Variants in DNAH11 observed in about 807,000 individuals in gnomAD.
DNAH11 encodes axonemal beta dynein heavy chain 11.
DNAH11 carries 442 observed loss-of-function variants against 526.0 expected under a neutral mutation model. That is an observed-to-expected ratio of 0.84 (90% CI 0.78 to 0.91). The LOEUF (loss-of-function observed/expected upper bound fraction) is 0.91, where lower values mean the gene tolerates loss of function less well. Ranked by LOEUF, DNAH11 falls within the 40% of genes least tolerant of loss-of-function variation. The pLI is 0.00. For synonymous variants in DNAH11, 2,461 were observed against 1,935.9 expected, an observed-to-expected ratio of 1.27 and a Z score of -7.12; for missense variants, 6,989 against 5,448.7, an observed-to-expected ratio of 1.28 and a Z score of -8.90.
chr7:21,809,934 A>T (rs994250523), intron 63 of DNAH11, among the ~76,000 whole-genome samples: 1 of 152,176 alleles, frequency 6.6e-6, no homozygotes, highest in East Asian at 1.9e-4. Flanking sequence ...TTTCAACAAG[A>T]ACATAAAAAT....
In DNAH11 at chr7:21,862,173, A is replaced by G. The variant is rs1289716472; in HGVS notation, c.11373+150A>G. 5 of 829,658 alleles carry G rather than the reference A, an allele frequency of 6.0e-6. No homozygotes were observed. In the African/African-American group the frequency reaches 7.1e-5, roughly 12 times the overall value. 51.4% of individuals were successfully genotyped at this position (829,658 alleles called of 1,614,324 possible). On this transcript the variant is annotated intron_variant, in intron 69 of 81. Coordinates refer to ENST00000409508, the MANE Select transcript of DNAH11 (RefSeq NM_001277115.2). ...GTGGCATGAGGGGAATTTGCTTCCCACAGGGAACTTGGGCATGTGACAGCC... is the reference window on the plus strand; with the variant it reads ...GTGGCATGAGGGGAATTTGCTTCCCGCAGGGAACTTGGGCATGTGACAGCC...
At chr7:21,558,695 G>C in intron 2 of DNAH11, 107 bp from the exon 3 acceptor site, 1 of 655,610 alleles carries the variant, frequency 1.5e-6, no homozygotes, top group Non-Finnish European at 2.3e-6. Context: ...GATATCATTG[G>C]ATATTTATGA....
intron 57 of DNAH11, among the ~76,000 whole-genome samples, chr7:21,782,474 A>G (rs937401130): frequency 1.3e-5 from 2 of 152,208 alleles, no homozygotes; most frequent in Non-Finnish European, 2.9e-5. Context: ...AAATCAGTTG[A>G]CCAACCTGAG....
chr7:21,598,525 C>G (rs1174527290), intron 14 of DNAH11, among the ~76,000 whole-genome samples: 3 of 152,078 alleles, frequency 2.0e-5, no homozygotes, highest in African/African-American at 7.2e-5. Context: ...TAGAACTTCC[C>G]TAGTCCAGTG....
chr7:21,821,847 T>C (rs190667245), intron 65 of DNAH11, among the ~76,000 whole-genome samples: 1 of 152,120 alleles, frequency 6.6e-6, no homozygotes, highest in African/African-American at 2.4e-5. Flanking sequence ...CTTTTCCTTA[T>C]CTTCCACCTC....
intron 65 of DNAH11, among the ~76,000 whole-genome samples, chr7:21,835,340 T>A (rs1781952526): frequency 6.6e-6 from 1 of 150,588 alleles, no homozygotes; most frequent in South Asian, 2.1e-4. Flanking sequence ...ATATGCCTGA[T>A]AAACATAGCT....
At chr7:21,589,162 C>T in intron 11 of DNAH11, 46 bp from the exon 12 acceptor site, 1 of 1,391,644 alleles carries the variant, frequency 7.2e-7, no homozygotes, top group Non-Finnish European at 9.7e-7. Flanking sequence ...AAGCGGAAAT[C>T]TATCTAATAT....
rs781116833 is a variant in DNAH11 at position 21,773,839 on chromosome 7, A to C, written c.9176A>C (p.Tyr3059Ser). The C allele has an allele frequency of 4.2e-5, 68 of 1,609,024 alleles. No homozygotes were observed. Among genetic ancestry groups the C allele is most frequent in the Non-Finnish European group, 5.8e-5 (68 of 1,177,788 alleles). The part of the protein sequence containing the change: ...HTTVNEMSTR[Y>S]YQNERRHNYT... The stretch of plus-strand genomic sequence containing the variant: ...ACTGTAAATGAAATGAGTACCAGAT[A>C]TTACCAGAATGAGAGAAGACACAAC... The change falls in exon 56 of 82, where the codon TAT becomes TCT. Residue 3059 changes from tyrosine (Y) to serine (S), a missense_variant. Transcript: ENST00000409508.
At chr7:21,748,797 G>A (rs1364151208) in intron 52 of DNAH11, 55 bp downstream of exon 52, 7 of 1,550,806 alleles carry the variant, frequency 4.5e-6, no homozygotes, top group East Asian at 4.7e-5. Flanking sequence ...AGATAAAGCC[G>A]AGGCTCCTAG....
chr7:21,869,019 T>C (rs777113535), intron 73 of DNAH11, 28 bp downstream of exon 73: 2 of 1,613,110 alleles, frequency 1.2e-6, no homozygotes, highest in African/African-American at 1.3e-5. Context: ...GGGAAGACAC[T>C]GGGCATAAAC....
intron 2 of DNAH11, among the ~76,000 whole-genome samples, chr7:21,556,151 C>T (rs1038713879): frequency 4.6e-5 from 7 of 152,152 alleles, no homozygotes; most frequent in African/African-American, 1.4e-4. Flanking sequence ...ATACCCTGGT[C>T]CCTTTCTCTG....
chr7:21,679,105 C>T (rs554194424), intron 30 of DNAH11, among the ~76,000 whole-genome samples: 1 of 152,070 alleles, frequency 6.6e-6, no homozygotes, highest in South Asian at 2.1e-4. Context: ...CTGGATGAAT[C>T]TGAAGGGCAT....
rs949492765 is a variant in DNAH11 at position 21,600,883 on chromosome 7, G to T, written c.3208G>T (p.Glu1070Ter). 2 of 1,613,890 alleles carry T rather than the reference G, an allele frequency of 1.2e-6. No individual in the cohort carries two copies. The highest frequency in any genetic ancestry group is 1.7e-6 in the Non-Finnish European group (2 of 1,179,830). Residue 1070 changes from glutamate to a stop codon, truncating the protein, a stop_gained, in exon 16 of 82, where the codon GAA becomes TAA. Transcript: ENST00000409508. LOFTEE classifies it high-confidence loss of function. ...CGATGAAATGGATGCTCATGCAAAT[G>T]AAGAAATTCCCGAACAACCACCAAC... ...SSDEMDAHAN[E>*]EIPEQPPTLE... is the part of the protein sequence containing the mutation.
At chr7:21,802,556 G>C (rs560858683) in intron 62 of DNAH11, among the ~76,000 whole-genome samples, 1 of 152,156 alleles carries the variant, frequency 6.6e-6, no homozygotes, top group East Asian at 1.9e-4. Flanking sequence ...GCTAAGAATA[G>C]AAACAACCCA....
At chr7:21,546,032 C>T (rs1782792217) in intron 2 of DNAH11, among the ~76,000 whole-genome samples, 3 of 152,160 alleles carry the variant, frequency 2.0e-5, no homozygotes, top group South Asian at 2.1e-4. Flanking sequence ...GTACAGTGAG[C>T]TTTGGGAGCC....
At chr7:21,718,188 G>GTTTTTT (rs146409469) in intron 43 of DNAH11, among the ~76,000 whole-genome samples, 3 of 151,246 alleles carry the variant, frequency 2.0e-5, no homozygotes, top group African/African-American at 4.9e-5. Flanking sequence ...ATGTTTTACT[G>GTTTTTT]ATTTTTTTTT....
At chr7:21,674,397 G>A (rs1314491098) in intron 30 of DNAH11, among the ~76,000 whole-genome samples, 5 of 151,974 alleles carry the variant, frequency 3.3e-5, no homozygotes, top group Non-Finnish European at 7.4e-5. Context: ...GTCTCGCTCT[G>A]TCACCCAGGC....
At chr7:21,656,204 G>T (rs1432717076) in intron 29 of DNAH11, among the ~76,000 whole-genome samples, 1 of 152,180 alleles carries the variant, frequency 6.6e-6, no homozygotes, top group Non-Finnish European at 1.5e-5. Flanking sequence ...GGGTCTCAGA[G>T]ACGCTAGGAA....
At chr7:21,594,098 A>ACCCACACACACACC (rs534629301) in intron 14 of DNAH11, among the ~76,000 whole-genome samples, 1 of 147,982 alleles carries the variant, frequency 6.8e-6, no homozygotes, top group Admixed American at 6.7e-5. Flanking sequence ...ACACACACAC[A>ACCCACACACACACC]CTCTGAAGCC....
Sources: gnomAD v4.1 joint callset for allele counts (sites outside exome capture counted in the v4.1 genomes callset) on GRCh38, gnomAD v4.1.1 for gene constraint, MANE v1.5 for transcripts, NCBI Gene and HGNC (gene_info 2026-07-23, HGNC 2026-07-21) for gene names.